MGLL: variants seen among roughly 807,000 people sequenced by gnomAD.
MGLL encodes the protein monoglyceride lipase.
In MGLL, 7 loss-of-function variants were observed where a neutral mutation model predicts 29.1. The ratio of observed to expected loss-of-function variants is 0.24; its 90% confidence interval spans 0.14 to 0.45. The LOEUF is 0.45. Ranked by LOEUF, MGLL falls within the 20% of genes least tolerant of loss-of-function variation. MGLL has a pLI of 0.99. For missense variants in MGLL, 356 were observed against 413.6 expected (o/e 0.86, Z 1.21); for synonymous variants, 148 against 168.3 (o/e 0.88, Z 0.93).
intron 6 of MGLL, among the ~76,000 whole-genome samples, chr3:127,696,077 C>A (rs1328161319): frequency 2.6e-5 from 4 of 152,204 alleles, no homozygotes; most frequent in Non-Finnish European, 1.5e-5. Flanking sequence ...GTGGGCTCGG[C>A]CTCCGTGCCC....
chr3:127,784,570 C>A (rs999206745), intron 2 of MGLL, among the ~76,000 whole-genome samples: 5 of 152,086 alleles, frequency 3.3e-5, no homozygotes, highest in Non-Finnish European at 7.4e-5. Flanking sequence ...TCACTGCCAC[C>A]CTTCTCTCTG....
rs117462101 is a variant in MGLL, at chr3:127,790,216, C to A, written c.156-8321G>T. 6.6e-5 allele frequency among the ~76,000 whole-genome samples: 10 copies of A among 152,304 alleles called. 1 individual carries two copies. In the East Asian group the frequency reaches 1.9e-3, roughly 29 times the overall value. ...TGTGAAGTGGGTACTAATGGTAGCA[C>A]ACACCTCCCAGAGGCTCCGTGATGA... On this transcript the variant is annotated intron_variant, in intron 2 of 7. Transcript: ENST00000265052.
intron 2 of MGLL, among the ~76,000 whole-genome samples, chr3:127,800,966 A>G (rs1364946420): frequency 6.6e-6 from 1 of 152,238 alleles, no homozygotes; most frequent in Non-Finnish European, 1.5e-5. Context: ...AGTCAGAGAG[A>G]GTACGTATAG....
At chr3:127,750,392 G>A (rs113933712) in intron 3 of MGLL, among the ~76,000 whole-genome samples, 3,359 of 152,196 alleles carry the variant, frequency 0.022, 132 homozygotes, top group African/African-American at 0.076. Flanking sequence ...CCAAGGAGAC[G>A]GTCTCCACAT....
Position 127,781,769 on chromosome 3 carries a change from C to T in MGLL, c.262+20G>A, listed in dbSNP as rs139426837. ...ATTGTCAGGGCCCAGCCAGCTCTGA[C>T]GGCACCCTGGGACACTCACCATGGT... On this transcript the variant is annotated intron_variant, in intron 3 of 7. Transcript: ENST00000265052. 2.6e-4 allele frequency: 423 copies of T among 1,610,212 alleles called. No homozygotes were observed. Among genetic ancestry groups the T allele is most frequent in the Non-Finnish European group, 2.6e-4 (302 of 1,176,438 alleles).
chr3:127,814,581 A>G (rs148200180), intron 2 of MGLL, among the ~76,000 whole-genome samples: 3 of 152,332 alleles, frequency 2.0e-5, no homozygotes, highest in Non-Finnish European at 4.4e-5. Flanking sequence ...TGGTGGACAA[A>G]GGTTGCTATT....
chr3:127,749,141 G>A (rs1320010525), intron 3 of MGLL, among the ~76,000 whole-genome samples: 1 of 152,178 alleles, frequency 6.6e-6, no homozygotes, highest in Non-Finnish European at 1.5e-5. Flanking sequence ...GGAGCCTCTC[G>A]ACACTGGAAT....
rs2075392921 is a variant in MGLL, at chr3:127,697,545, C to T, written c.601-2355G>A. ...CCAATTCTTGTTCTGCCCTACAGAACCTTGATGTTTCCTTCGGTACACAAC... is the reference window on the plus strand; with the variant it reads ...CCAATTCTTGTTCTGCCCTACAGAATCTTGATGTTTCCTTCGGTACACAAC... On this transcript the variant is annotated intron_variant, in intron 6 of 7. Coordinates refer to ENST00000265052, the MANE Select transcript of MGLL (RefSeq NM_007283.7). Among the ~76,000 whole-genome samples the T allele has an allele frequency of 2.0e-5, 3 of 152,286 alleles. No individual in the cohort carries two copies. In the East Asian group the frequency reaches 5.8e-4, roughly 29 times the overall value.
At chr3:127,767,070 CA>C (rs11293851) in intron 3 of MGLL, among the ~76,000 whole-genome samples, 146,908 of 151,498 alleles carry the variant, frequency 0.97, 71,332 homozygotes, top group Non-Finnish European at 1. Context: ...GAGACTCTAT[CA>C]AAAAAAAAAA....
At position 127,695,167 on chromosome 3, in the gene MGLL, G is replaced by A. The variant is rs1038634578; in HGVS notation, c.624C>T (p.Pro208=). 3 of 1,614,016 alleles carry A rather than the reference G, an allele frequency of 1.9e-6. No individual in the cohort carries two copies. The highest frequency in any genetic ancestry group is 2.7e-5 in the African/African-American group (2 of 74,940). Residue 208 remains proline (P), a synonymous_variant, in exon 7 of 8, where the codon CCC becomes CCT. Transcript: ENST00000265052. ...KTEVDIYNSD[P]LICRAGLKVC... ...CCTTCAGCCCTGCCCGGCAGATCAG[G>A]GGGTCTGAGTTATAAATGTCGACCT... is the stretch of plus-strand genomic sequence containing the variant.
At chr3:127,743,051 G>A (rs778583766) in intron 3 of MGLL, among the ~76,000 whole-genome samples, 6 of 152,200 alleles carry the variant, frequency 3.9e-5, no homozygotes, top group Non-Finnish European at 7.3e-5. Context: ...CTGACCTCAG[G>A]TGATCCACCA....
chr3:127,814,399 G>A (rs2077716839), intron 2 of MGLL, among the ~76,000 whole-genome samples: 1 of 152,146 alleles, frequency 6.6e-6, no homozygotes, highest in South Asian at 2.1e-4. Context: ...AAGAATCTTG[G>A]ATGACCCTGC....
Position 127,700,584 on chromosome 3 carries a change from A to C in MGLL, c.601-5394T>G, listed in dbSNP as rs946489345. Among the ~76,000 whole-genome samples the C allele has an allele frequency of 3.9e-5, 6 of 152,288 alleles. No individual in the cohort carries two copies. In the South Asian group the frequency reaches 1.2e-3, roughly 32 times the overall value. ...GCATGGCCTGCACGGTGGCTGGCAC[A>C]GGGGAAGCCTTTGGTAAACTCTGGT... On this transcript the variant is annotated intron_variant, in intron 6 of 7. Transcript: ENST00000265052.
intron 3 of MGLL, among the ~76,000 whole-genome samples, chr3:127,778,689 A>G (rs191887839): frequency 6.6e-6 from 1 of 152,242 alleles, no homozygotes; most frequent in East Asian, 1.9e-4. Flanking sequence ...CTCCGTTTTT[A>G]GTTTTCAGTG....
chr3:127,793,860 C>T (rs374374842), intron 2 of MGLL, among the ~76,000 whole-genome samples: 38 of 152,320 alleles, frequency 2.5e-4, no homozygotes, highest in South Asian at 1.7e-3. Flanking sequence ...CTGCGCCTGG[C>T]CAAGTCTTCT....
intron 2 of MGLL, among the ~76,000 whole-genome samples, chr3:127,784,569 C>A (rs147270340): frequency 5.8e-4 from 88 of 152,240 alleles, no homozygotes; most frequent in African/African-American, 2.1e-3. Context: ...GTCACTGCCA[C>A]CCTTCTCTCT....
chr3:127,701,165 A>G (rs990964402), intron 6 of MGLL, among the ~76,000 whole-genome samples: 1 of 138,094 alleles, frequency 7.2e-6, no homozygotes, highest in Non-Finnish European at 1.5e-5. Flanking sequence ...CAGTGAGCTG[A>G]GATCACGCCA....
chr3:127,795,384 G>A (rs985013037), intron 2 of MGLL, among the ~76,000 whole-genome samples: 1 of 151,766 alleles, frequency 6.6e-6, no homozygotes, highest in Admixed American at 6.6e-5. Context: ...AACAGACACT[G>A]GGAATTACTA....
chr3:127,710,195 C>T (rs1044313919), intron 6 of MGLL, among the ~76,000 whole-genome samples: 2 of 152,154 alleles, frequency 1.3e-5, no homozygotes, highest in Admixed American at 6.5e-5. Context: ...GGGAAGAGAC[C>T]GATGGAGAAT....
Sources: allele counts gnomAD v4.1 joint callset (sites outside exome capture counted in the v4.1 genomes callset), GRCh38; gene constraint gnomAD v4.1.1; transcripts MANE v1.5; gene names NCBI Gene and HGNC (gene_info 2026-07-23, HGNC 2026-07-21).